The following WWOX variants were observed in gnomAD, a reference collection of about 807,000 sequenced individuals.
WWOX encodes the protein WW domain-containing oxidoreductase.
A neutral mutation model predicts 46.2 loss-of-function variants in WWOX; 69 were observed. The ratio of observed to expected loss-of-function variants is 1.49; its 90% confidence interval spans 1.23 to 1.82. The LOEUF is 1.82. Ranked by LOEUF, WWOX falls within the 40% of genes most tolerant of loss-of-function variation. The pLI, the probability that WWOX is intolerant of heterozygous loss-of-function variation, is 0.00. For synonymous variants in WWOX, 359 were observed against 202.6 expected, an observed-to-expected ratio of 1.77 and a Z score of -6.56; for missense variants, 919 against 542.6, an observed-to-expected ratio of 1.69 and a Z score of -6.89.
At chr16:78,872,513 G>A (rs1243619869) in intron 8 of WWOX, among the ~76,000 whole-genome samples, 1 of 152,218 alleles carries the variant, frequency 6.6e-6, no homozygotes, top group Non-Finnish European at 1.5e-5. Context: ...CCTGGCATCT[G>A]TGGCCTTGAA....
chr16:79,138,891 G>T (rs972739518), intron 8 of WWOX, among the ~76,000 whole-genome samples: 1 of 152,202 alleles, frequency 6.6e-6, no homozygotes. Flanking sequence ...GGAGCAGAGA[G>T]CACAGCAGGC....
At chr16:78,677,589 A>G (rs1468555201) in intron 8 of WWOX, among the ~76,000 whole-genome samples, 1 of 152,134 alleles carries the variant, frequency 6.6e-6, no homozygotes, top group Non-Finnish European at 1.5e-5. Flanking sequence ...CCAAAACTCC[A>G]TGTTGTTTAC....
intron 8 of WWOX, among the ~76,000 whole-genome samples, chr16:78,645,036 T>A (rs567788066): frequency 2.0e-5 from 3 of 152,216 alleles, no homozygotes; most frequent in Non-Finnish European, 4.4e-5. Flanking sequence ...TTTCTTTTCT[T>A]CAAAAGTTGG....
At chr16:78,501,347 A>G (rs891060936) in intron 8 of WWOX, among the ~76,000 whole-genome samples, 3 of 151,954 alleles carry the variant, frequency 2.0e-5, no homozygotes, top group South Asian at 2.1e-4. Context: ...CAGATTTTCA[A>G]GAGCTTAAGA....
chr16:78,843,914 G>A (rs757903406), intron 8 of WWOX, among the ~76,000 whole-genome samples: 3 of 152,064 alleles, frequency 2.0e-5, no homozygotes, highest in Non-Finnish European at 4.4e-5. Flanking sequence ...TGTCCACTCG[G>A]TTCCTAATGG....
intron 8 of WWOX, among the ~76,000 whole-genome samples, chr16:78,807,495 G>A (rs749301900): frequency 3.9e-5 from 6 of 152,170 alleles, no homozygotes; most frequent in African/African-American, 7.2e-5. Context: ...TCAAGGGCCC[G>A]GGTTTATTTT....
intron 8 of WWOX, among the ~76,000 whole-genome samples, chr16:79,069,164 G>A (rs2048501181): frequency 6.6e-6 from 1 of 152,166 alleles, no homozygotes; most frequent in Admixed American, 6.5e-5. Context: ...GCTTGGCGAA[G>A]GTAAATGCAC....
intron 5 of WWOX, among the ~76,000 whole-genome samples, chr16:78,379,925 A>C (rs1422775781): frequency 6.6e-6 from 1 of 152,186 alleles, no homozygotes; most frequent in East Asian, 1.9e-4. Flanking sequence ...GAAGTGTCGG[A>C]AGGATGGAGA....
At chr16:78,121,227 C>G (rs754074396) in intron 4 of WWOX, among the ~76,000 whole-genome samples, 59 of 152,256 alleles carry the variant, frequency 3.9e-4, no homozygotes, top group Admixed American at 7.8e-4. Flanking sequence ...TCGAAATAAC[C>G]TTTTGGGCAT....
intron 5 of WWOX, among the ~76,000 whole-genome samples, chr16:78,356,267 A>G (rs1322524895): frequency 2.0e-5 from 3 of 152,148 alleles, no homozygotes; most frequent in Non-Finnish European, 4.4e-5. Flanking sequence ...TCATATACAT[A>G]TATATCACAT....
intron 8 of WWOX, among the ~76,000 whole-genome samples, chr16:78,679,038 T>C (rs1283592705): frequency 1.3e-5 from 2 of 152,146 alleles, no homozygotes; most frequent in Non-Finnish European, 2.9e-5. Context: ...AAGGGGGCAA[T>C]TGCCAAGCCT....
At chr16:78,459,220 C>T (rs2083895624) in intron 8 of WWOX, among the ~76,000 whole-genome samples, 1 of 152,204 alleles carries the variant, frequency 6.6e-6, no homozygotes, top group South Asian at 2.1e-4. Context: ...AAGCCAAACC[C>T]AGAAAGGTTG....
intron 8 of WWOX, among the ~76,000 whole-genome samples, chr16:78,914,293 C>T (rs182079806): frequency 6.6e-6 from 1 of 152,092 alleles, no homozygotes; most frequent in East Asian, 1.9e-4. Flanking sequence ...CTATTAGCTG[C>T]CAGAGAGCAG....
intron 5 of WWOX, among the ~76,000 whole-genome samples, chr16:78,372,131 G>T (rs548484407): frequency 1.3e-5 from 2 of 152,292 alleles, no homozygotes; most frequent in Non-Finnish European, 2.9e-5. Context: ...AAGGCACAGG[G>T]ATTTTTGTGA....
chr16:79,046,577 C>T (rs2048069403), intron 8 of WWOX, among the ~76,000 whole-genome samples: 2 of 152,084 alleles, frequency 1.3e-5, no homozygotes, highest in Admixed American at 1.3e-4. Flanking sequence ...AGAGAGCTCA[C>T]CGGGGAGTGT....
intron 8 of WWOX, among the ~76,000 whole-genome samples, chr16:78,761,147 G>C (rs1457123454): frequency 6.6e-6 from 1 of 152,270 alleles, no homozygotes; most frequent in South Asian, 2.1e-4. Flanking sequence ...CTGAGCGGGG[G>C]CTGTTTCTTG....
At chr16:78,513,248 T>C (rs1358618539) in intron 8 of WWOX, among the ~76,000 whole-genome samples, 2 of 152,232 alleles carry the variant, frequency 1.3e-5, no homozygotes, top group Admixed American at 1.3e-4. Flanking sequence ...AGATGCTAAA[T>C]TATCTCTTCT....
chr16:78,565,618 C>G (rs368762315), intron 8 of WWOX, among the ~76,000 whole-genome samples: 7 of 152,206 alleles, frequency 4.6e-5, no homozygotes, highest in African/African-American at 1.7e-4. Context: ...TCTTCAGAGT[C>G]CCCTTTGCCA....
chr16:78,892,538 A>G (rs893144939), intron 8 of WWOX, among the ~76,000 whole-genome samples: 3 of 152,218 alleles, frequency 2.0e-5, no homozygotes, highest in Non-Finnish European at 2.9e-5. Flanking sequence ...GCTGGACGAC[A>G]ACATTCTTGT....
Sources: allele counts gnomAD v4.1 joint callset (sites outside exome capture counted in the v4.1 genomes callset), GRCh38; gene constraint gnomAD v4.1.1; transcripts MANE v1.5; gene names NCBI Gene and HGNC (gene_info 2026-07-23, HGNC 2026-07-21).